The following PDE6B variants were observed in gnomAD, a reference collection of about 807,000 sequenced individuals.
PDE6B encodes the protein phosphodiesterase 6B.
Under a neutral mutation model 109.0 loss-of-function variants are expected in PDE6B, and 106 were observed. That is an observed-to-expected ratio of 0.97 (90% confidence interval 0.83 to 1.14). The LOEUF is 1.14. PDE6B is among the 50% of genes most tolerant of loss of function. The pLI is 0.00. For synonymous variants in PDE6B, 490 were observed against 471.3 expected (o/e 1.04, Z -0.51); for missense variants, 1,193 against 1,155.6 (o/e 1.03, Z -0.47).
In PDE6B at chr4:648,524, C is replaced by T. The variant is rs79109238; in HGVS notation, c.712-5328C>T. 1.3e-3 allele frequency among the ~76,000 whole-genome samples: 197 copies of T among 152,324 alleles called. No homozygotes were observed. The highest frequency in any genetic ancestry group is 6.8e-3 in the Middle Eastern group (2 of 294). ...ATTGAAGCAGCCTCTGGGCGCTCCCCCCTCCCTCTGTCCCGGGCCCTCACC... is the reference window on the plus strand; with the variant it reads ...ATTGAAGCAGCCTCTGGGCGCTCCCTCCTCCCTCTGTCCCGGGCCCTCACC... On this transcript the variant is annotated intron_variant, in intron 3 of 21. Coordinates refer to ENST00000496514, the MANE Select transcript of PDE6B (RefSeq NM_000283.4). This position sits in a 1 kb window ranked among gnomAD's most constrained non-coding sequence, Gnocchi z 4.5.
intron 1 of PDE6B, among the ~76,000 whole-genome samples, chr4:632,256 G>A (rs376295473): frequency 2.7e-5 from 4 of 150,320 alleles, no homozygotes; most frequent in South Asian, 4.2e-4. Flanking sequence ...GTGTGGATCC[G>A]TGTGGCACTG....
At position 663,539 on chromosome 4, in the gene PDE6B, G is replaced by GTGGTGAC. The variant is rs1372401726; in HGVS notation, c.1921-230_1921-224dup. ...AGTGGACCCCTCCCTGCGCTCCCCG[G>GTGGTGAC]TGGTGACCTCTGAGGCCATCTGCGT... On this transcript the variant is annotated intron_variant, in intron 15 of 21. Coordinates refer to ENST00000496514, the MANE Select transcript of PDE6B (RefSeq NM_000283.4). This position sits in a 1 kb window ranked among gnomAD's most constrained non-coding sequence, Gnocchi z 4.0. Among the ~76,000 whole-genome samples, 6 of 152,212 alleles carry GTGGTGAC rather than the reference G, an allele frequency of 3.9e-5. No individual in the cohort carries two copies. Among genetic ancestry groups the GTGGTGAC allele is most frequent in the Non-Finnish European group, 8.8e-5 (6 of 68,010 alleles).
intron 21 of PDE6B, among the ~76,000 whole-genome samples, chr4:669,353 CTAT>C (rs1208416830): frequency 1.0e-4 from 13 of 124,872 alleles, no homozygotes; most frequent in African/African-American, 1.4e-4. Flanking sequence ...CTACCCCATG[CTAT>C]TCCCACTACC....
Position 663,731 on chromosome 4 carries a change from G to A in PDE6B, c.1921-39G>A. ...GGGTCCCCGGGCACCCTGAGAGGTG[G>A]CCGCAGGGCGCCTGACGCGCTGGGC... On this transcript the variant is annotated intron_variant, in intron 15 of 21. Transcript: ENST00000496514. The surrounding 1 kb of genome is among the most constrained non-coding windows in gnomAD (Gnocchi z 4.0). 6.7e-7 allele frequency: 1 copy of A among 1,495,990 alleles called. No individual in the cohort carries two copies. The highest frequency in any genetic ancestry group is 1.1e-5 in the South Asian group (1 of 88,402). 92.7% of individuals were successfully genotyped at this position (1,495,990 alleles called of 1,614,324 possible). A position where few individuals can be genotyped will look rare whatever the true frequency, so the allele number is the denominator to read the frequency against.
Position 634,800 on chromosome 4 carries a change from G to A in PDE6B, c.592G>A (p.Gly198Ser), listed in dbSNP as rs199690401. Residue 198 changes from glycine (G) to serine (S), a missense_variant, in exon 2 of 22, where the codon GGC becomes AGC. Coordinates refer to ENST00000496514, the MANE Select transcript of PDE6B (RefSeq NM_000283.4). Reference sequence around the variant, plus strand: ...GATCATGGCAGTGAACAAGCTCAACGGCCCATTCTTCACCAGCGAAGACGA... The same window carrying A: ...GATCATGGCAGTGAACAAGCTCAACAGCCCATTCTTCACCAGCGAAGACGA... ...AVIMAVNKLN[G>S]PFFTSEDEDV... is the part of the protein sequence containing the mutation. 34 of 1,613,924 alleles carry A rather than the reference G, an allele frequency of 2.1e-5. No individual in the cohort carries two copies. In the East Asian group the frequency reaches 2.7e-4, roughly 13 times the overall value.
intron 1 of PDE6B, among the ~76,000 whole-genome samples, chr4:632,438 G>A (rs1734433691): frequency 6.6e-6 from 1 of 151,702 alleles, no homozygotes; most frequent in Non-Finnish European, 1.5e-5. Context: ...GGATCTGTGT[G>A]GTGCCATCTC....
At chr4:658,486 G>A (rs1428653069) in intron 10 of PDE6B, among the ~76,000 whole-genome samples, 1 of 151,742 alleles carries the variant, frequency 6.6e-6, no homozygotes, top group African/African-American at 2.4e-5. Flanking sequence ...GTGTGGGGCA[G>A]GTCACCCAGG....
intron 21 of PDE6B, 73 bp downstream of exon 21, chr4:668,079 G>C (rs1738010110): frequency 3.5e-6 from 5 of 1,428,784 alleles, no homozygotes; most frequent in Admixed American, 3.5e-5. Context: ...ACAGGGCACA[G>C]AGCAGAGTTA....
chr4:630,928 G>C (rs1734354717), intron 1 of PDE6B, among the ~76,000 whole-genome samples: 1 of 152,226 alleles, frequency 6.6e-6, no homozygotes, highest in Admixed American at 6.5e-5. Context: ...GTGAAGGAGA[G>C]AAGCTGTCGG....
Position 651,211 on chromosome 4 carries a change from G to A in PDE6B, c.712-2641G>A, listed in dbSNP as rs368033088. ...TCACAGGCGGGGCAGGGGCTGAGGC[G>A]GCGATGTCAACGGCAGTGGGGCCGT... On this transcript the variant is annotated intron_variant, in intron 3 of 21. Coordinates refer to ENST00000496514, the MANE Select transcript of PDE6B (RefSeq NM_000283.4). Among the ~76,000 whole-genome samples, 156 of 151,904 alleles carry A rather than the reference G, an allele frequency of 1.0e-3. 1 individual carries two copies. In the South Asian group the frequency reaches 0.03, roughly 29 times the overall value.
Position 664,112 on chromosome 4 carries a change from A to AG in PDE6B, c.2022dup. On this transcript the variant is annotated splice_acceptor_variant, in intron 16 of 21. Transcript: ENST00000496514. LOFTEE classifies it high-confidence loss of function. ...TGCACCTCCCTTGTTCCCTGGGTTC[A>AG]GGAAGAGAGCGATGTTTCAGAAGAT... 1 of 1,596,582 alleles carries AG rather than the reference A, an allele frequency of 6.3e-7. No homozygotes were observed. Among genetic ancestry groups the AG allele is most frequent in the Non-Finnish European group, 8.6e-7 (1 of 1,164,412 alleles).
intron 3 of PDE6B, among the ~76,000 whole-genome samples, chr4:643,520 C>T (rs1735042897): frequency 6.6e-6 from 1 of 152,036 alleles, no homozygotes; most frequent in African/African-American, 2.4e-5. Context: ...GTCAGATTCA[C>T]CAGTGAAACT....
chr4:654,263 A>G, intron 5 of PDE6B, 109 bp downstream of exon 5: 1 of 1,018,040 alleles, frequency 9.8e-7, no homozygotes, highest in Non-Finnish European at 1.5e-6. Flanking sequence ...GGAGGTGGGA[A>G]CTGGCCGGTG....
intron 11 of PDE6B, among the ~76,000 whole-genome samples, chr4:659,472 TGTGG>T (rs1029361949): frequency 5.3e-5 from 8 of 152,100 alleles, no homozygotes; most frequent in Non-Finnish European, 8.8e-5. Flanking sequence ...TGTGTGCACA[TGTGG>T]GTGTCTGTGT....
In PDE6B at chr4:664,150, C is replaced by T. The variant is rs745847282; in HGVS notation, c.2058C>T (p.Ser686=). 1.9e-6 allele frequency: 3 copies of T among 1,612,198 alleles called. No individual in the cohort carries two copies. Among genetic ancestry groups the T allele is most frequent in the Admixed American group, 1.7e-5 (1 of 60,032 alleles). ...TGTTTCAGAAGATCGTGGATGAGTC[C>T]AAGAACTACCAGGACAAGAAGAGCT... is the stretch of plus-strand genomic sequence containing the variant. ...RAMFQKIVDE[S]KNYQDKKSWV... is the part of the protein sequence containing the mutation. The change falls in exon 17 of 22, where the codon TCC becomes TCT. Residue 686 remains serine, a synonymous_variant. Coordinates refer to ENST00000496514, the MANE Select transcript of PDE6B (RefSeq NM_000283.4).
intron 2 of PDE6B, among the ~76,000 whole-genome samples, chr4:635,626 C>T (rs1338029736): frequency 6.6e-6 from 1 of 152,272 alleles, no homozygotes; most frequent in African/African-American, 2.4e-5. Context: ...TGCTGGGCTC[C>T]ACGTGCTCAT....
chr4:629,266 C>T (rs1048134158), intron 1 of PDE6B, among the ~76,000 whole-genome samples: 2 of 152,182 alleles, frequency 1.3e-5, no homozygotes, highest in Non-Finnish European at 1.5e-5. Flanking sequence ...GCCGCCCACA[C>T]CTGATGAGGG....
chr4:658,233 C>T (rs1266766653), intron 10 of PDE6B, among the ~76,000 whole-genome samples: 2 of 133,146 alleles, frequency 1.5e-5, no homozygotes, highest in African/African-American at 5.8e-5. Flanking sequence ...ACCCAGGGGT[C>T]ATGGATCTGT....
intron 1 of PDE6B, among the ~76,000 whole-genome samples, chr4:628,529 G>T (rs1160819415): frequency 1.3e-5 from 2 of 152,248 alleles, no homozygotes; most frequent in African/African-American, 4.8e-5. Context: ...GGGTGCTGCA[G>T]CGGCTAAACC....
Sources: allele counts gnomAD v4.1 joint callset (sites outside exome capture counted in the v4.1 genomes callset), GRCh38; gene constraint gnomAD v4.1.1; non-coding constraint Gnocchi (gnomAD v3.1); transcripts MANE v1.5; gene names NCBI Gene and HGNC (gene_info 2026-07-23, HGNC 2026-07-21).